The following GPN1 variants were observed in gnomAD, a reference collection of about 807,000 sequenced individuals.
The protein encoded by GPN1 is GPN-loop GTPase 1.
A neutral mutation model predicts 55.9 loss-of-function variants in GPN1; 44 were observed. The ratio of observed to expected loss-of-function variants is 0.79; its 90% CI spans 0.62 to 1.01. The LOEUF is 1.01. Among genes scored for constraint, GPN1 ranks in the 50% least tolerant of loss-of-function variants. The pLI, the probability that GPN1 is intolerant of heterozygous loss-of-function variation, is 0.00. For missense variants in GPN1, 466 were observed against 462.8 expected, an observed-to-expected ratio of 1.01 and a Z score of -0.06; for synonymous variants, 179 against 162.5, an observed-to-expected ratio of 1.10 and a Z score of -0.77.
At chr2:27,636,491 A>T (rs12471057) in intron 7 of GPN1, among the ~76,000 whole-genome samples, 6 of 152,092 alleles carry the variant, frequency 3.9e-5, no homozygotes, top group Admixed American at 3.3e-4. Flanking sequence ...TTATTTATTT[A>T]TTTATTTATT....
At chr2:27,646,906 A>G (rs1238235254) in intron 12 of GPN1, among the ~76,000 whole-genome samples, 2 of 152,134 alleles carry the variant, frequency 1.3e-5, no homozygotes, top group African/African-American at 2.4e-5. Flanking sequence ...ATACATTTCT[A>G]TGTGCCACAG....
chr2:27,638,161 C>G, intron 7 of GPN1, 49 bp from the exon 8 acceptor site: 2 of 978,080 alleles, frequency 2.0e-6, no homozygotes, highest in Non-Finnish European at 1.7e-6. Flanking sequence ...ACTGGATGAG[C>G]AAGAGCTTAT....
At chr2:27,644,731 T>G (rs923005240) in intron 12 of GPN1, among the ~76,000 whole-genome samples, 20 of 148,366 alleles carry the variant, frequency 1.3e-4, no homozygotes, top group African/African-American at 4.5e-4. Context: ...GTGTTTTTTT[T>G]TTTTTTTTTT....
At chr2:27,631,600 G>A in intron 3 of GPN1, 1 of 571,548 alleles carries the variant, frequency 1.7e-6, no homozygotes. Flanking sequence ...ATTACATTTT[G>A]GTCACTTTGC....
rs982867467 is a variant in GPN1 at position 27,650,392 on chromosome 2, T to A, written c.*192T>A. On this transcript the variant is annotated 3_prime_UTR_variant, in exon 14 of 14. Transcript: ENST00000610189. ...ATAGAAGACCCTTGGACCTGGCAGG[T>A]TAATGCTGATTATTCCTTGGCCTTT... 1.2e-5 allele frequency: 5 copies of A among 424,726 alleles called. No homozygotes were observed. The highest frequency in any genetic ancestry group is 1.0e-4 in the African/African-American group (5 of 49,722). 26.3% of individuals were successfully genotyped at this position (424,726 alleles called of 1,614,324 possible).
In GPN1 at chr2:27,651,503, T is replaced by C. The variant is rs1184705166; in HGVS notation, c.*1303T>C. 1 of 152,326 alleles carries C rather than the reference T, an allele frequency of 6.6e-6. No homozygotes were observed. The highest frequency in any genetic ancestry group is 6.5e-5 in the Admixed American group (1 of 15,278). The allele number at this position is 152,326 out of a possible 1,614,324, so 9.4% of individuals were successfully genotyped here. ...TTCTGCAGCAATAAAAGTGTTTTAT[T>C]ATAAAGTATTAATTTTAATGTTCTA... On this transcript the variant is annotated 3_prime_UTR_variant, in exon 14 of 14. Transcript: ENST00000610189.
In GPN1 at chr2:27,638,971, C is replaced by T. The variant is rs141140786; in HGVS notation, c.657C>T (p.Tyr219=). Reference sequence around the variant, plus strand: ...ATGCCTTGAATCAAGAGACTACATACGTCAGTAACCTGACTCGTTCAATGA... The same window carrying T: ...ATGCCTTGAATCAAGAGACTACATATGTCAGTAACCTGACTCGTTCAATGA... ...FQDALNQETT[Y]VSNLTRSMSL... is the part of the protein sequence containing the mutation. The change falls in exon 9 of 14, where the codon TAC becomes TAT. Residue 219 remains tyrosine (Y), a synonymous_variant. Transcript: ENST00000610189. 369 of 1,612,786 alleles carry T rather than the reference C, an allele frequency of 2.3e-4. No individual in the cohort carries two copies. The highest frequency in any genetic ancestry group is 4.7e-4 in the Admixed American group (28 of 59,982).
At chr2:27,642,994 C>CACACACACACACACACACAT (rs1444559015) in intron 12 of GPN1, among the ~76,000 whole-genome samples, 1 of 149,658 alleles carries the variant, frequency 6.7e-6, no homozygotes, top group Admixed American at 6.6e-5. Flanking sequence ...CACACACACA[C>CACACACACACACACACACAT]ATACATATGC....
chr2:27,630,914 G>A, intron 2 of GPN1, 113 bp from the exon 3 acceptor site: 1 of 699,536 alleles, frequency 1.4e-6, no homozygotes, highest in Non-Finnish European at 2.6e-6. Context: ...TGTGAAAGTG[G>A]AGGTGGTAGA....
intron 5 of GPN1, 124 bp from the exon 6 acceptor site, chr2:27,634,722 A>G: frequency 1.5e-6 from 1 of 677,320 alleles, no homozygotes. Flanking sequence ...GGAGGAAGTT[A>G]GATTTGGCAG....
chr2:27,639,363 G>A (rs1558489055), intron 9 of GPN1, among the ~76,000 whole-genome samples: 1 of 152,184 alleles, frequency 6.6e-6, no homozygotes, highest in South Asian at 2.1e-4. Flanking sequence ...AGCATTAGAG[G>A]TATGCTTTGA....
In GPN1 at chr2:27,635,156, C is replaced by T. The variant is rs758253873; in HGVS notation, c.446C>T (p.Thr149Ile). 5 of 1,597,092 alleles carry T rather than the reference C, an allele frequency of 3.1e-6. No homozygotes were observed. In the African/African-American group the frequency reaches 5.4e-5, roughly 17 times the overall value. Residue 149 changes from threonine (T) to isoleucine (I), a missense_variant, in exon 7 of 14, where the codon ACA becomes ATA. Coordinates refer to ENST00000610189, the MANE Select transcript of GPN1 (RefSeq NM_007266.4). Reference protein sequence around the residue: ...ITEALASSFPTVVIYVMDTSR... With the variant: ...ITEALASSFPIVVIYVMDTSR... ...TGGCTTTAGGCATCCTCATTTCCAA[C>T]AGTTGTCATCTATGTAATGGACACA...
chr2:27,638,140 G>A (rs879453949), intron 7 of GPN1, 70 bp from the exon 8 acceptor site: 20 of 827,334 alleles, frequency 2.4e-5, no homozygotes, highest in East Asian at 1.7e-4. Flanking sequence ...ACTTAGTCCC[G>A]ACATGCTGAC....
At chr2:27,628,782 G>A (rs1327247789), upstream of GPN1, 1 of 1,523,684 alleles carries the variant, frequency 6.6e-7, no homozygotes, top group South Asian at 1.2e-5. Context: ...GCCTTCCTCC[G>A]GGAGACAAAA....
At chr2:27,644,462 T>C (rs538974802) in intron 12 of GPN1, among the ~76,000 whole-genome samples, 1 of 152,304 alleles carries the variant, frequency 6.6e-6, no homozygotes, top group South Asian at 2.1e-4. Flanking sequence ...GTCAAATTGA[T>C]CTATCTTTTA....
At chr2:27,628,281 C>T, upstream of GPN1, 1 of 1,030,782 alleles carries the variant, frequency 9.7e-7, no homozygotes, top group African/African-American at 1.6e-5. Context: ...CAGAAACAGA[C>T]TGGGTGGTCA....
At chr2:27,629,284 G>GC in intron 1 of GPN1, 115 bp downstream of exon 1, 1 of 1,416,632 alleles carries the variant, frequency 7.1e-7, no homozygotes, top group Non-Finnish European at 9.6e-7. Context: ...CATGGCTTTC[G>GC]GGGGCTTCCC....
chr2:27,642,952 T>TACACACACACACACACACACAC, intron 12 of GPN1, among the ~76,000 whole-genome samples: 1 of 38,058 alleles, frequency 2.6e-5, no homozygotes, highest in Admixed American at 4.4e-4. Context: ...TTTATATATA[T>TACACACACACACACACACACAC]ATATATACAC....
In GPN1 at chr2:27,650,269, C is replaced by T; in HGVS notation, c.*69C>T. On this transcript the variant is annotated 3_prime_UTR_variant, in exon 14 of 14. Transcript: ENST00000610189. ...TGGACCTCCACGTGAAAGAACTGTT[C>T]TTACCTCTGAACTGGGGGCTCCCAT... 1.2e-6 allele frequency: 1 copy of T among 863,204 alleles called. No homozygotes were observed. Among genetic ancestry groups the T allele is most frequent in the South Asian group, 1.4e-5 (1 of 69,718 alleles). 53.5% of individuals were successfully genotyped at this position (863,204 alleles called of 1,614,324 possible).
Sources: allele counts gnomAD v4.1 joint callset (sites outside exome capture counted in the v4.1 genomes callset), GRCh38; gene constraint gnomAD v4.1.1; transcripts MANE v1.5; gene names NCBI Gene and HGNC (gene_info 2026-07-23, HGNC 2026-07-21).